Variants in KLHL36 observed in about 807,000 individuals in gnomAD.
The protein encoded by KLHL36 is kelch like family member 36, also known as kelch-like protein 36.
KLHL36 carries 35 observed loss-of-function variants against 53.3 expected under a neutral mutation model. The ratio of observed to expected loss-of-function variants is 0.66; its 90% CI spans 0.50 to 0.87. The LOEUF (loss-of-function observed/expected upper bound fraction) is 0.87, where lower values mean the gene tolerates loss of function less well. Ranked by LOEUF, KLHL36 falls within the 40% of genes least tolerant of loss-of-function variation. The pLI is 0.00. For synonymous variants in KLHL36, 472 were observed against 398.9 expected (o/e 1.18, Z -2.18); for missense variants, 864 against 897.6 (o/e 0.96, Z 0.48).
intron 2 of KLHL36, among the ~76,000 whole-genome samples, chr16:84,655,773 T>C (rs1436499336): frequency 1.3e-5 from 2 of 151,456 alleles, no homozygotes; most frequent in Non-Finnish European, 2.9e-5. Flanking sequence ...GTTTTCTTCC[T>C]CCAACCACAT....
chr16:84,657,065 G>T lies in KLHL36; in HGVS notation c.258G>T (p.Glu86Asp). ...TIGMREAFQKEVELIGASYIG... is the reference protein window; with the variant it reads ...TIGMREAFQKDVELIGASYIG... ...GCATGCGGGAAGCTTTCCAGAAGGA[G>T]GTGGAGCTGATCGGCGCCTCCTACA... The change falls in exon 3 of 5, where the codon GAG (glutamate) becomes GAT (aspartate). Residue 86 changes from glutamate (E) to aspartate (D), a missense_variant. By Grantham distance (45) the Glu-to-Asp change is conservative. Transcript: ENST00000564996. The T allele has an allele frequency of 6.2e-7, 1 of 1,614,210 alleles. No individual in the cohort carries two copies. The highest frequency in any genetic ancestry group is 1.7e-5 in the Admixed American group (1 of 60,032).
chr16:84,661,787 A>T lies in KLHL36; in HGVS notation c.1505A>T (p.Asp502Val). The change falls in exon 5 of 5, where the codon GAT (aspartate) becomes GTT (valine). Residue 502 changes from aspartate to valine, a missense_variant. Coordinates refer to ENST00000564996, the MANE Select transcript of KLHL36 (RefSeq NM_024731.4). The surrounding 1 kb of genome is among the most constrained non-coding windows in gnomAD (Gnocchi z 7.9). Reference sequence around the variant, plus strand: ...AGCATCTACTCCATCGGGGGCAGCGATGACAACATCGAGTCCATGGAGCGC... The same window carrying T: ...AGCATCTACTCCATCGGGGGCAGCGTTGACAACATCGAGTCCATGGAGCGC... ...GDSIYSIGGS[D>V]DNIESMERFD... The T allele has an allele frequency of 6.2e-7, 1 of 1,612,528 alleles. No homozygotes were observed. Among genetic ancestry groups the T allele is most frequent in the Non-Finnish European group, 8.5e-7 (1 of 1,179,058 alleles).
intron 2 of KLHL36, among the ~76,000 whole-genome samples, chr16:84,653,671 T>C (rs1037925694): frequency 6.6e-6 from 1 of 151,912 alleles, no homozygotes; most frequent in Admixed American, 6.6e-5. Flanking sequence ...CAAAACCCTG[T>C]CTCTACTAAA....
chr16:84,666,103 G>C lies in KLHL36; in HGVS notation c.*3970G>C, dbSNP rs16974380. The C allele has an allele frequency of 0.16, 24,461 of 152,234 alleles. 2,410 individuals are homozygous for C. The highest frequency in any genetic ancestry group is 0.4 in the East Asian group (2,085 of 5,176). 9.4% of individuals were successfully genotyped at this position (152,234 alleles called of 1,614,324 possible). A position where few individuals can be genotyped will look rare whatever the true frequency, so the allele number is the denominator to read the frequency against. On this transcript the variant is annotated 3_prime_UTR_variant, in exon 5 of 5. Coordinates refer to ENST00000564996, the MANE Select transcript of KLHL36 (RefSeq NM_024731.4). Reference sequence around the variant, plus strand: ...CTCTAGGATAAATGCCTGGAGTATAGGGCAGCGCCACGGGCACTTGGAGAC... The same window carrying C: ...CTCTAGGATAAATGCCTGGAGTATACGGCAGCGCCACGGGCACTTGGAGAC...
intron 3 of KLHL36, chr16:84,659,480 C>A: frequency 2.6e-6 from 1 of 381,850 alleles, no homozygotes; most frequent in South Asian, 4.0e-5. Flanking sequence ...ACGCGGCTAA[C>A]GACATGACCA....
Position 84,665,486 on chromosome 16 carries a change from T to C in KLHL36, c.*3353T>C, listed in dbSNP as rs368822062. Reference sequence around the variant, plus strand: ...ATAGCAAACTTCCTGCTGTTTTAAATGCACAGAGATTATTTTATCAACTGT... The same window carrying C: ...ATAGCAAACTTCCTGCTGTTTTAAACGCACAGAGATTATTTTATCAACTGT... On this transcript the variant is annotated 3_prime_UTR_variant, in exon 5 of 5. Transcript: ENST00000564996. The C allele has an allele frequency of 5.9e-5, 9 of 152,232 alleles. No individual in the cohort carries two copies. The highest frequency in any genetic ancestry group is 2.2e-4 in the African/African-American group (9 of 41,472). The allele number at this position is 152,232 out of a possible 1,614,324, so 9.4% of individuals were successfully genotyped here. A position where few individuals can be genotyped will look rare whatever the true frequency, so the allele number is the denominator to read the frequency against.
chr16:84,654,930 G>A (rs551322831), intron 2 of KLHL36, among the ~76,000 whole-genome samples: 250 of 152,278 alleles, frequency 1.6e-3, no homozygotes, highest in African/African-American at 5.7e-3. Flanking sequence ...GTTTCAGGCC[G>A]CAGTGATCTC....
At chr16:84,654,577 AGTTTTGTTTTGTTTTGTTTTGTTTT>A (rs141914382) in intron 2 of KLHL36, among the ~76,000 whole-genome samples, 2,572 of 148,060 alleles carry the variant, frequency 0.017, 53 homozygotes, top group African/African-American at 0.044. Context: ...GCTTGAGACT[AGTTTTGTTTTGTTTTGTTTTGTTTT>A]GTTTTGTTTT....
At chr16:84,650,791 T>TA in intron 1 of KLHL36, 61 bp from the exon 2 acceptor site, 4 of 1,254,568 alleles carry the variant, frequency 3.2e-6, no homozygotes, top group Non-Finnish European at 4.6e-6. Flanking sequence ...TAGCAGGGCC[T>TA]GAAATTAATG....
At chr16:84,652,036 G>A (rs1049551650) in intron 2 of KLHL36, among the ~76,000 whole-genome samples, 5 of 152,124 alleles carry the variant, frequency 3.3e-5, no homozygotes, top group Non-Finnish European at 7.4e-5. Context: ...CTGTTCTCAC[G>A]TGAGTTCCCC....
At position 84,664,118 on chromosome 16, in the gene KLHL36, A is replaced by G. The variant is rs534824761; in HGVS notation, c.*1985A>G. 2.6e-5 allele frequency: 4 copies of G among 152,320 alleles called. No individual in the cohort carries two copies. Among genetic ancestry groups the G allele is most frequent in the Admixed American group, 2.6e-4 (4 of 15,296 alleles). 9.4% of individuals were successfully genotyped at this position (152,320 alleles called of 1,614,324 possible). A position where few individuals can be genotyped will look rare whatever the true frequency, so the allele number is the denominator to read the frequency against. On this transcript the variant is annotated 3_prime_UTR_variant, in exon 5 of 5. Transcript: ENST00000564996. ...CCTAAAAGTCGTTTGTCTCATACCT[A>G]GTCCCAGACCCCCACAAAACATGTT...
chr16:84,662,019 C>G lies in KLHL36; in HGVS notation c.1737C>G (p.Val579=). Residue 579 remains valine (V), a synonymous_variant, in exon 5 of 5, where the codon GTC becomes GTG. Transcript: ENST00000564996. ...DREADKWSRG[V]DLPKAIAGGS... The stretch of plus-strand genomic sequence containing the variant: ...AGGCCGACAAGTGGAGCAGGGGCGT[C>G]GACCTGCCCAAGGCCATCGCTGGCG... 4 of 1,589,352 alleles carry G rather than the reference C, an allele frequency of 2.5e-6. No individual in the cohort carries two copies. The highest frequency in any genetic ancestry group is 1.7e-4 in the Middle Eastern group (1 of 6,028).
intron 2 of KLHL36, among the ~76,000 whole-genome samples, chr16:84,652,548 C>T (rs1328469794): frequency 6.6e-6 from 1 of 152,152 alleles, no homozygotes. Context: ...GGATTACAGG[C>T]GCGAGCCACC....
chr16:84,660,656 C>G (rs1275093998), intron 4 of KLHL36, among the ~76,000 whole-genome samples: 4 of 152,178 alleles, frequency 2.6e-5, no homozygotes, highest in African/African-American at 7.2e-5. Flanking sequence ...GAGTCTCTCT[C>G]TGTCACCCAG....
intron 4 of KLHL36, among the ~76,000 whole-genome samples, chr16:84,660,545 G>A (rs1907486208): frequency 6.6e-6 from 1 of 152,226 alleles, no homozygotes; most frequent in Non-Finnish European, 1.5e-5. Flanking sequence ...GCACCCAGCA[G>A]TGCACTTTCT....
At position 84,657,674 on chromosome 16, in the gene KLHL36, G is replaced by A. The variant is rs745433939; in HGVS notation, c.867G>A (p.Ala289=). 20 of 1,612,478 alleles carry A rather than the reference G, an allele frequency of 1.2e-5. No homozygotes were observed. Among genetic ancestry groups the A allele is most frequent in the Admixed American group, 1.2e-4 (7 of 59,984 alleles). Residue 289 remains alanine, a synonymous_variant, in exon 3 of 5, where the codon GCG becomes GCA. Transcript: ENST00000564996. The part of the protein sequence containing the change: ...AQPVMQTKRT[A]LRTNQERLLF... ...CCGTCATGCAGACCAAGCGCACGGC[G>A]CTGCGCACCAACCAGGAGCGCCTGC...
chr16:84,654,299 C>T (rs548459836), intron 2 of KLHL36, among the ~76,000 whole-genome samples: 17 of 152,192 alleles, frequency 1.1e-4, no homozygotes, highest in South Asian at 2.1e-4. Context: ...CTTCAGCTCA[C>T]ACCCAAGAGG....
At chr16:84,658,177 G>C (rs374341566) in intron 3 of KLHL36, 13 of 397,020 alleles carry the variant, frequency 3.3e-5, no homozygotes, top group African/African-American at 2.3e-4. Context: ...ACTGCCTGGC[G>C]GGGCTTTCTG....
intron 3 of KLHL36, 39 bp downstream of exon 3, chr16:84,657,983 C>G (rs1334088885): frequency 7.1e-7 from 1 of 1,416,294 alleles, no homozygotes; most frequent in African/African-American, 1.4e-5. Flanking sequence ...CTCTTGAGGA[C>G]TCTCTCGGTT....
Sources: gnomAD v4.1 joint callset for allele counts (sites outside exome capture counted in the v4.1 genomes callset) on GRCh38, gnomAD v4.1.1 for gene constraint, Gnocchi (gnomAD v3.1) non-coding constraint, MANE v1.5 for transcripts, NCBI Gene and HGNC (gene_info 2026-07-23, HGNC 2026-07-21) for gene names.